SKIC3: variants seen among roughly 807,000 people sequenced by gnomAD.
The protein encoded by SKIC3 is superkiller complex protein 3.
At chr5:95,544,302 A>G in the SKIC3 span, among the ~76,000 whole-genome samples, 23 of 152,206 alleles carry the variant, frequency 1.5e-4, no homozygotes, top group African/African-American at 4.8e-4. Context: ...TAACCCTAAG[A>G]CCAGTTTTCC....
chr5:95,482,558 T>C, the SKIC3 span: 1 of 1,614,056 alleles, frequency 6.2e-7, no homozygotes, highest in Non-Finnish European at 8.5e-7. Context: ...CTTTTGTGAC[T>C]CCAGGAGTGG....
the SKIC3 span, chr5:95,529,013 A>G: frequency 2.5e-6 from 4 of 1,613,700 alleles, no homozygotes; most frequent in Non-Finnish European, 3.4e-6. Flanking sequence ...TGACTGCATG[A>G]AAGAACAGCT....
At chr5:95,477,011 T>A in the SKIC3 span, among the ~76,000 whole-genome samples, 40 of 152,188 alleles carry the variant, frequency 2.6e-4, no homozygotes, top group African/African-American at 9.4e-4. Context: ...AATCAATAAA[T>A]AATACTGAAA....
the SKIC3 span, chr5:95,523,853 T>C: frequency 1.2e-6 from 2 of 1,608,870 alleles, no homozygotes; most frequent in Non-Finnish European, 1.7e-6. Flanking sequence ...TAAATATTGA[T>C]AATAACAGAA....
At chr5:95,481,642 G>C in the SKIC3 span, among the ~76,000 whole-genome samples, 1 of 152,084 alleles carries the variant, frequency 6.6e-6, no homozygotes, top group African/African-American at 2.4e-5. Flanking sequence ...TAGATGTTCT[G>C]AGGTCAACTA....
the SKIC3 span, among the ~76,000 whole-genome samples, chr5:95,498,166 T>C: frequency 1.4e-3 from 207 of 152,282 alleles, no homozygotes; most frequent in African/African-American, 4.8e-3. Flanking sequence ...GCCAAATTTA[T>C]CAATTGAATT....
the SKIC3 span, among the ~76,000 whole-genome samples, chr5:95,540,223 T>C: frequency 6.6e-6 from 1 of 152,092 alleles, no homozygotes; most frequent in Non-Finnish European, 1.5e-5. Context: ...CACTCATACG[T>C]GAACATATGA....
chr5:95,499,410 T>C, the SKIC3 span, among the ~76,000 whole-genome samples: 1 of 152,186 alleles, frequency 6.6e-6, no homozygotes, highest in Non-Finnish European at 1.5e-5. Context: ...ATTGTAAGTT[T>C]CCTGAGGCCG....
the SKIC3 span, among the ~76,000 whole-genome samples, chr5:95,481,240 T>C: frequency 1.3e-5 from 2 of 152,146 alleles, no homozygotes; most frequent in African/African-American, 2.4e-5. Flanking sequence ...GGGAGGGATC[T>C]GGTAGAAGGT....
the SKIC3 span, among the ~76,000 whole-genome samples, chr5:95,482,120 GA>G: frequency 6.6e-6 from 1 of 152,116 alleles, no homozygotes; most frequent in African/African-American, 2.4e-5. Flanking sequence ...TAGCTAGGGA[GA>G]AACTATACAT....
At chr5:95,487,296 T>C in the SKIC3 span, among the ~76,000 whole-genome samples, 2 of 152,018 alleles carry the variant, frequency 1.3e-5, no homozygotes, top group Non-Finnish European at 2.9e-5. Context: ...CTTAATGAAC[T>C]CCCCATATAT....
the SKIC3 span, chr5:95,528,783 C>G: frequency 1.8e-6 from 1 of 543,690 alleles, no homozygotes; most frequent in Admixed American, 3.1e-5. Flanking sequence ...ATTCCAAATG[C>G]AGGAAAATTT....
At chr5:95,464,334 T>C in the SKIC3 span, 1 of 390,032 alleles carries the variant, frequency 2.6e-6, no homozygotes, top group Non-Finnish European at 4.7e-6. Context: ...ATGCAGAAAA[T>C]AATGGTTTAC....
the SKIC3 span, among the ~76,000 whole-genome samples, chr5:95,517,958 T>A: frequency 6.6e-6 from 1 of 152,050 alleles, no homozygotes; most frequent in Non-Finnish European, 1.5e-5. Flanking sequence ...GTCCCATTTT[T>A]TTTCTCTTGC....
At chr5:95,526,628 C>CA in the SKIC3 span, among the ~76,000 whole-genome samples, 4 of 152,102 alleles carry the variant, frequency 2.6e-5, no homozygotes, top group East Asian at 7.7e-4. Flanking sequence ...TGCATACCAC[C>CA]AAGCCAGACT....
chr5:95,530,379 CAA>C, the SKIC3 span: 13 of 729,760 alleles, frequency 1.8e-5, no homozygotes, highest in Non-Finnish European at 2.9e-5. Context: ...AATAGACCAG[CAA>C]ATGCAGAAAA....
the SKIC3 span, chr5:95,497,500 A>T: frequency 6.2e-7 from 1 of 1,611,996 alleles, no homozygotes; most frequent in East Asian, 2.2e-5. Flanking sequence ...TAAAGGAATC[A>T]AAAGTAGCAG....
At chr5:95,541,989 A>G in the SKIC3 span, 1 of 829,428 alleles carries the variant, frequency 1.2e-6, no homozygotes, top group South Asian at 1.5e-5. Flanking sequence ...AAATAATATG[A>G]TAATCTATAA....
chr5:95,524,234 T>C, the SKIC3 span, among the ~76,000 whole-genome samples: 5 of 152,216 alleles, frequency 3.3e-5, no homozygotes, highest in African/African-American at 1.2e-4. Flanking sequence ...TTACAAGAGA[T>C]AATTATGTCT....
Sources: allele counts gnomAD v4.1 joint callset (sites outside exome capture counted in the v4.1 genomes callset), GRCh38; gene constraint gnomAD v4.1.1; transcripts MANE v1.5; gene names NCBI Gene and HGNC (gene_info 2026-07-23, HGNC 2026-07-21).